The following CPS1 variants were observed in gnomAD, a reference collection of about 807,000 sequenced individuals.
CPS1 encodes the protein carbamoyl-phosphate synthase [ammonia], mitochondrial.
A neutral mutation model predicts 174.6 loss-of-function variants in CPS1; 109 were observed. The ratio of observed to expected loss-of-function variants is 0.62; its 90% CI spans 0.53 to 0.73. CPS1 has a LOEUF of 0.73. Among genes scored for constraint, CPS1 ranks in the 30% least tolerant of loss-of-function variants. CPS1 has a pLI of 0.00. For missense variants in CPS1, 1,689 were observed against 1,821.9 expected, an observed-to-expected ratio of 0.93 and a Z score of 1.33; for synonymous variants, 637 against 632.0, an observed-to-expected ratio of 1.01 and a Z score of -0.12.
At chr2:210,555,307 T>C (rs1559074138), upstream of CPS1, among the ~76,000 whole-genome samples, 1 of 152,064 alleles carries the variant, frequency 6.6e-6, no homozygotes, top group Non-Finnish European at 1.5e-5. Context: ...ATGCTTAAAC[T>C]TTACTGAAAA....
chr2:210,552,297 T>C (rs184638077), upstream of CPS1, among the ~76,000 whole-genome samples: 59 of 152,112 alleles, frequency 3.9e-4, no homozygotes, highest in Middle Eastern at 3.4e-3. Flanking sequence ...GGTTTTTTTT[T>C]TCATGACTCC....
chr2:210,511,308 A>T (rs906169263), intron 1 of CPS1, among the ~76,000 whole-genome samples: 10 of 152,072 alleles, frequency 6.6e-5, no homozygotes, highest in Admixed American at 1.3e-4. Flanking sequence ...GCATGTTCTT[A>T]CTCATAGGTG....
chr2:210,555,850 G>T (rs1696897915), upstream of CPS1, among the ~76,000 whole-genome samples: 1 of 151,972 alleles, frequency 6.6e-6, no homozygotes, highest in African/African-American at 2.4e-5. Context: ...AAATATGAAT[G>T]CTGAAGTTTG....
intron 1 of CPS1, among the ~76,000 whole-genome samples, chr2:210,520,960 A>G (rs10205168): frequency 0.2 from 29,827 of 151,938 alleles, 3,370 homozygotes; most frequent in African/African-American, 0.28. Flanking sequence ...TCTTGGGGGA[A>G]AAAGGGGATC....
At chr2:210,587,832 G>A (rs973020728) in intron 6 of CPS1, among the ~76,000 whole-genome samples, 10 of 151,700 alleles carry the variant, frequency 6.6e-5, no homozygotes, top group Non-Finnish European at 7.4e-5. Context: ...ATAATCAACC[G>A]TTTATATAAA....
chr2:210,590,650 G>T, intron 8 of CPS1, 150 bp from the exon 9 acceptor site: 1 of 634,182 alleles, frequency 1.6e-6, no homozygotes, highest in South Asian at 1.8e-5. Flanking sequence ...CTACAAATTT[G>T]TCAATTATGT....
chr2:210,633,925 A>T (rs1377846520), intron 21 of CPS1, among the ~76,000 whole-genome samples: 1 of 152,216 alleles, frequency 6.6e-6, no homozygotes, highest in Non-Finnish European at 1.5e-5. Context: ...TTTTAAGTGT[A>T]TCTGGATGAC....
chr2:210,497,893 C>CATATATATATAATATATAT (rs1695033865), intron 1 of CPS1, among the ~76,000 whole-genome samples: 1 of 86,940 alleles, frequency 1.2e-5, no homozygotes, highest in Non-Finnish European at 2.3e-5. Flanking sequence ...TATATACATA[C>CATATATATATAATATATAT]ATATATATAT....
intron 21 of CPS1, among the ~76,000 whole-genome samples, chr2:210,623,250 T>G (rs952401450): frequency 6.6e-6 from 1 of 152,152 alleles, no homozygotes; most frequent in Non-Finnish European, 1.5e-5. Flanking sequence ...CTATTTTCAT[T>G]CATTTTACAC....
intron 1 of CPS1, among the ~76,000 whole-genome samples, chr2:210,550,298 C>T (rs1175151747): frequency 2.0e-5 from 3 of 151,880 alleles, no homozygotes; most frequent in Non-Finnish European, 4.4e-5. Flanking sequence ...ATGTATTCTT[C>T]CCATCAAATT....
At position 210,489,295 on chromosome 2, in the gene CPS1, G is replaced by A. The variant is rs575870092; in HGVS notation, c.3+11529G>A. Among the ~76,000 whole-genome samples, 3 of 152,248 alleles carry A rather than the reference G, an allele frequency of 2.0e-5. No individual in the cohort carries two copies. In the East Asian group the frequency reaches 5.8e-4, roughly 29 times the overall value. Reference sequence around the variant, plus strand: ...TTTGTACCTAGGGTCAGTCTGACTTGGTGGGTGCGGTATTTAACTGCTGCT... The same window carrying A: ...TTTGTACCTAGGGTCAGTCTGACTTAGTGGGTGCGGTATTTAACTGCTGCT... On this transcript the variant is annotated intron_variant, in intron 1 of 38. Coordinates refer to the CPS1 transcript ENST00000430249.
At chr2:210,626,667 C>G (rs139038787) in intron 21 of CPS1, among the ~76,000 whole-genome samples, 590 of 152,156 alleles carry the variant, frequency 3.9e-3, no homozygotes, top group African/African-American at 0.013. Context: ...TGAGAACTAA[C>G]CAGTGTTTGT....
At chr2:210,514,920 T>C (rs1229674115) in intron 1 of CPS1, among the ~76,000 whole-genome samples, 2 of 151,670 alleles carry the variant, frequency 1.3e-5, no homozygotes, top group African/African-American at 4.8e-5. Flanking sequence ...GATGTTGGAT[T>C]TTATCTAAAG....
intron 1 of CPS1, among the ~76,000 whole-genome samples, chr2:210,547,536 A>G (rs948972461): frequency 1.3e-5 from 2 of 152,046 alleles, no homozygotes; most frequent in African/African-American, 2.4e-5. Context: ...AAAGAATTAT[A>G]TAGTCTAGTG....
At chr2:210,502,511 T>A (rs539832276) in intron 1 of CPS1, among the ~76,000 whole-genome samples, 108 of 148,240 alleles carry the variant, frequency 7.3e-4, no homozygotes, top group African/African-American at 2.4e-3. Context: ...GATATATTTT[T>A]TATATATATA....
At chr2:210,552,506 A>T (rs1344757695), upstream of CPS1, among the ~76,000 whole-genome samples, 1 of 151,984 alleles carries the variant, frequency 6.6e-6, no homozygotes, top group Non-Finnish European at 1.5e-5. Flanking sequence ...TTTCTGATTC[A>T]TTACTTAGGA....
intron 27 of CPS1, among the ~76,000 whole-genome samples, chr2:210,648,860 G>A (rs1028067392): frequency 2.6e-5 from 4 of 152,252 alleles, no homozygotes; most frequent in South Asian, 2.1e-4. Context: ...GGTATCTCTC[G>A]CCAGCGTGTT....
intron 1 of CPS1, among the ~76,000 whole-genome samples, chr2:210,532,362 A>T (rs1184828472): frequency 6.6e-6 from 1 of 152,178 alleles, no homozygotes; most frequent in Non-Finnish European, 1.5e-5. Flanking sequence ...ATTCTGAAGA[A>T]TGAAGAGAGC....
Position 210,642,504 on chromosome 2 carries a change from T to C in CPS1, c.2980T>C (p.Trp994Arg). 1 of 1,613,980 alleles carries C rather than the reference T, an allele frequency of 6.2e-7. No homozygotes were observed. The highest frequency in any genetic ancestry group is 8.5e-7 in the Non-Finnish European group (1 of 1,179,858). ...YHIGSSVEFDWCAVSSIRTLR... is the reference protein window; with the variant it reads ...YHIGSSVEFDRCAVSSIRTLR... ...TGCAGGCAGCAGTGTGGAATTTGATTGGTGTGCTGTCTCTAGTATCCGCAC... is the reference window on the plus strand; with the variant it reads ...TGCAGGCAGCAGTGTGGAATTTGATCGGTGTGCTGTCTCTAGTATCCGCAC... The change falls in exon 25 of 38, where the codon TGG becomes CGG. Residue 994 changes from tryptophan to arginine, a missense_variant. Trp to Arg is a moderately radical substitution (Grantham distance 101). Coordinates refer to ENST00000233072, the MANE Select transcript of CPS1 (RefSeq NM_001875.5).
Sources: allele counts gnomAD v4.1 joint callset (sites outside exome capture counted in the v4.1 genomes callset), GRCh38; gene constraint gnomAD v4.1.1; transcripts MANE v1.5; gene names NCBI Gene and HGNC (gene_info 2026-07-23, HGNC 2026-07-21).